Variants in NHERF2 observed in about 807,000 individuals in gnomAD.
NHERF2 encodes the protein NHERF family PDZ scaffold protein 2.
chr16:2,029,174 G>A, the NHERF2 span, among the ~76,000 whole-genome samples: 1 of 152,226 alleles, frequency 6.6e-6, no homozygotes, highest in Non-Finnish European at 1.5e-5. Flanking sequence ...CGGAGACACA[G>A]ACTTTGAAAC....
At chr16:2,036,450 C>G in the NHERF2 span, 896 of 1,604,030 alleles carry the variant, frequency 5.6e-4, 1 homozygote, top group Middle Eastern at 1.8e-3. Flanking sequence ...CTCTGTGGAC[C>G]CGGGCTCACC....
At chr16:2,035,385 C>T in the NHERF2 span, 3 of 985,648 alleles carry the variant, frequency 3.0e-6, no homozygotes, top group Non-Finnish European at 3.6e-6. Flanking sequence ...TGCCATGCCG[C>T]CCCAGCCCTG....
chr16:2,029,832 C>T, the NHERF2 span: 3 of 1,457,728 alleles, frequency 2.1e-6, no homozygotes, highest in Non-Finnish European at 2.8e-6. Context: ...CCCAGAGGCT[C>T]TCTCAGCTTT....
At chr16:2,027,784 C>G in the NHERF2 span, among the ~76,000 whole-genome samples, 9 of 152,270 alleles carry the variant, frequency 5.9e-5, no homozygotes, top group South Asian at 1.7e-3. Context: ...GAGCTGGGCT[C>G]TGTGTGTGTG....
the NHERF2 span, chr16:2,029,438 GC>G: frequency 7.9e-5 from 55 of 693,804 alleles, no homozygotes; most frequent in African/African-American, 8.5e-4. Context: ...GGGGGGCGGG[GC>G]CGGCAGGCCT....
the NHERF2 span, chr16:2,035,386 C>T: frequency 5.1e-6 from 5 of 985,704 alleles, no homozygotes; most frequent in Admixed American, 6.1e-5. Flanking sequence ...GCCATGCCGC[C>T]CCAGCCCTGG....
the NHERF2 span, chr16:2,037,063 C>T: frequency 4.1e-5 from 63 of 1,520,736 alleles, no homozygotes; most frequent in Non-Finnish European, 5.6e-5. Context: ...CGACAGAGGC[C>T]CCCTTCTCCC....
the NHERF2 span, among the ~76,000 whole-genome samples, chr16:2,034,201 G>C: frequency 6.6e-6 from 1 of 152,208 alleles, no homozygotes; most frequent in African/African-American, 2.4e-5. Flanking sequence ...CGTGTTTGCA[G>C]GTGTGTGTGG....
the NHERF2 span, chr16:2,036,243 G>A: frequency 7.1e-7 from 1 of 1,404,552 alleles, no homozygotes; most frequent in South Asian, 1.4e-5. Context: ...CCGAGTTTGG[G>A]CAGTGGCGGC....
the NHERF2 span, chr16:2,036,535 G>C: frequency 1.1e-5 from 17 of 1,557,874 alleles, no homozygotes; most frequent in Non-Finnish European, 1.4e-5. Flanking sequence ...GGGGTGCCGA[G>C]TGCCCCGCAC....
the NHERF2 span, among the ~76,000 whole-genome samples, chr16:2,030,113 G>A: frequency 6.6e-6 from 1 of 152,282 alleles, no homozygotes; most frequent in African/African-American, 2.4e-5. Context: ...CCTGGGAAGA[G>A]GCATTCCAGG....
the NHERF2 span, chr16:2,036,700 C>A: frequency 6.2e-7 from 1 of 1,606,616 alleles, no homozygotes; most frequent in Non-Finnish European, 8.5e-7. Context: ...GGGCCCATGG[C>A]GGGGCTGATA....
the NHERF2 span, among the ~76,000 whole-genome samples, chr16:2,033,942 G>A: frequency 1.3e-5 from 2 of 152,206 alleles, no homozygotes; most frequent in East Asian, 1.9e-4. Flanking sequence ...AGGGGTTTAG[G>A]TTTGATAGGC....
the NHERF2 span, among the ~76,000 whole-genome samples, chr16:2,032,295 C>T: frequency 7.2e-5 from 11 of 152,212 alleles, no homozygotes; most frequent in Non-Finnish European, 1.5e-4. The surrounding 1 kb of genome is among the most constrained non-coding windows in gnomAD (Gnocchi z 4.0). Flanking sequence ...GCTGGGATTA[C>T]AGGTGTGAGC....
chr16:2,027,207 A>G, the NHERF2 span: 1 of 1,394,808 alleles, frequency 7.2e-7, no homozygotes, highest in Non-Finnish European at 9.3e-7. Context: ...GGAGGGCGAG[A>G]CGCACCACCA....
At chr16:2,036,224 G>C in the NHERF2 span, 4 of 1,247,888 alleles carry the variant, frequency 3.2e-6, no homozygotes, top group Non-Finnish European at 3.3e-6. Flanking sequence ...GCCCGTGGGG[G>C]GCACGGTACC....
the NHERF2 span, chr16:2,038,293 G>A: frequency 3.7e-6 from 2 of 541,258 alleles, no homozygotes; most frequent in Non-Finnish European, 6.8e-6. Context: ...CGCGGGGCGA[G>A]GGCCTTTGCT....
chr16:2,029,309 G>C, the NHERF2 span, among the ~76,000 whole-genome samples: 1 of 151,384 alleles, frequency 6.6e-6, no homozygotes, highest in African/African-American at 2.4e-5. Flanking sequence ...TCCCAGCCCC[G>C]CCTGGAGAAG....
the NHERF2 span, among the ~76,000 whole-genome samples, chr16:2,030,410 C>T: frequency 6.6e-6 from 1 of 152,130 alleles, no homozygotes; most frequent in Non-Finnish European, 1.5e-5. Context: ...CTCCTGGACT[C>T]CTGCTGGGTA....
Sources: gnomAD v4.1 joint callset for allele counts (sites outside exome capture counted in the v4.1 genomes callset) on GRCh38, gnomAD v4.1.1 for gene constraint, Gnocchi (gnomAD v3.1) non-coding constraint, MANE v1.5 for transcripts, NCBI Gene and HGNC (gene_info 2026-07-23, HGNC 2026-07-21) for gene names.